Variants in CPPED1 observed in about 807,000 individuals in gnomAD.
The protein encoded by CPPED1 is serine/threonine-protein phosphatase CPPED1.
A neutral mutation model predicts 28.0 loss-of-function variants in CPPED1; 28 were observed. The observed-to-expected ratio is 1.00, with a 90% CI of 0.74 to 1.37. CPPED1 has a LOEUF of 1.37. CPPED1 is among the 40% of genes most tolerant of loss of function. CPPED1 has a pLI of 0.00. For synonymous variants in CPPED1, 198 were observed against 180.2 expected, an observed-to-expected ratio of 1.10 and a Z score of -0.79; for missense variants, 504 against 416.5, an observed-to-expected ratio of 1.21 and a Z score of -1.83.
chr16:12,720,990 C>T (rs2080137041), intron 2 of CPPED1, among the ~76,000 whole-genome samples: 1 of 152,180 alleles, frequency 6.6e-6, no homozygotes, highest in Non-Finnish European at 1.5e-5. Flanking sequence ...TTTCAGAAGC[C>T]ACTGGTAAAG....
At chr16:12,760,585 G>A (rs1375566863) in intron 2 of CPPED1, 1 of 152,080 alleles carries the variant, frequency 6.6e-6, no homozygotes, top group Non-Finnish European at 1.5e-5. Context: ...TGTTGCTGAG[G>A]TACATTGTCA....
intron 2 of CPPED1, among the ~76,000 whole-genome samples, chr16:12,766,266 G>A (rs1334564844): frequency 8.0e-6 from 1 of 124,786 alleles, no homozygotes; most frequent in African/African-American, 4.1e-5. Flanking sequence ...TAGAGAGAGA[G>A]AGAGAGAGAG....
In CPPED1 at chr16:12,709,483, A is replaced by T. The variant is rs912007379; in HGVS notation, c.290-4434T>A. ...CAAAGCGTTTAAAACACTTAAAAAAATTTTAATGCAATTGGTCAAAATAAA... is the reference window on the plus strand; with the variant it reads ...CAAAGCGTTTAAAACACTTAAAAAATTTTTAATGCAATTGGTCAAAATAAA... On this transcript the variant is annotated intron_variant, in intron 2 of 3. Coordinates refer to ENST00000381774, the MANE Select transcript of CPPED1 (RefSeq NM_018340.3). The surrounding 1 kb of genome is among the most constrained non-coding windows in gnomAD (Gnocchi z 4.4). Among the ~76,000 whole-genome samples, 31 of 152,222 alleles carry T rather than the reference A, an allele frequency of 2.0e-4. No homozygotes were observed. The highest frequency in any genetic ancestry group is 1.0e-4 in the Non-Finnish European group (7 of 68,034).
intron 3 of CPPED1, among the ~76,000 whole-genome samples, chr16:12,669,517 G>A (rs943436208): frequency 6.6e-6 from 1 of 152,152 alleles, no homozygotes; most frequent in Non-Finnish European, 1.5e-5. Context: ...AAAATTTACA[G>A]GAAGAGGAGG....
intron 2 of CPPED1, among the ~76,000 whole-genome samples, chr16:12,750,794 A>G (rs2080322820): frequency 1.3e-5 from 2 of 152,076 alleles, no homozygotes; most frequent in African/African-American, 4.8e-5. Flanking sequence ...AACATGGTGA[A>G]ATCCTGTCTC....
intron 3 of CPPED1, among the ~76,000 whole-genome samples, chr16:12,678,354 G>T (rs896080842): frequency 2.0e-5 from 3 of 152,144 alleles, no homozygotes; most frequent in African/African-American, 2.4e-5. Context: ...AAGTAACTCA[G>T]ATCTAATTCA....
intron 3 of CPPED1, among the ~76,000 whole-genome samples, chr16:12,687,310 T>C (rs967125242): frequency 6.6e-6 from 1 of 152,204 alleles, no homozygotes; most frequent in Non-Finnish European, 1.5e-5. Context: ...GTAAGATCTG[T>C]CTTTACATTT....
chr16:12,671,393 A>T (rs2079852035), intron 3 of CPPED1, among the ~76,000 whole-genome samples: 1 of 152,066 alleles, frequency 6.6e-6, no homozygotes, highest in African/African-American at 2.4e-5. Flanking sequence ...GGTGGTAAAG[A>T]GGGGTAAGGG....
chr16:12,667,920 C>A (rs528952882), intron 3 of CPPED1, among the ~76,000 whole-genome samples: 1 of 152,144 alleles, frequency 6.6e-6, no homozygotes, highest in African/African-American at 2.4e-5. Context: ...TTAATTCCTA[C>A]TGACATATGG....
intron 3 of CPPED1, among the ~76,000 whole-genome samples, chr16:12,669,294 A>G (rs2079841993): frequency 6.6e-6 from 1 of 152,186 alleles, no homozygotes; most frequent in African/African-American, 2.4e-5. Context: ...CCATAGAGAA[A>G]GTAGATCAGT....
chr16:12,771,680 C>A (rs941519588), intron 2 of CPPED1, among the ~76,000 whole-genome samples: 2 of 152,216 alleles, frequency 1.3e-5, no homozygotes, highest in African/African-American at 4.8e-5. Context: ...GTCTGCCCAG[C>A]TGGAGGAAAA....
intron 3 of CPPED1, among the ~76,000 whole-genome samples, chr16:12,700,583 G>C (rs1398173740): frequency 6.6e-6 from 1 of 152,206 alleles, no homozygotes; most frequent in Admixed American, 6.5e-5. Context: ...GTAGAGACAG[G>C]GTTTCGCCCT....
chr16:12,704,250 C>T (rs2080035757), intron 3 of CPPED1, among the ~76,000 whole-genome samples: 1 of 152,190 alleles, frequency 6.6e-6, no homozygotes. Context: ...ACCTGCACTA[C>T]CCAGTCTACT....
rs1487895111 is a variant in CPPED1 at position 12,664,930 on chromosome 16, TCTCA to T, written c.897_900del (p.Ser299ArgfsTer4). ...TCCATGAGATCGTCTTCTATTCCTT[TCTCA>T]CTCAGCTCATCTAGACTGTAGTATC... is the stretch of plus-strand genomic sequence containing the variant. On this transcript the variant is annotated frameshift_variant, in exon 4 of 4. Coordinates refer to ENST00000381774, the MANE Select transcript of CPPED1 (RefSeq NM_018340.3). LOFTEE classifies it high-confidence loss of function. The surrounding 1 kb of genome is among the most constrained non-coding windows in gnomAD (Gnocchi z 4.2). The T allele has an allele frequency of 3.1e-6, 5 of 1,608,006 alleles. No individual in the cohort carries two copies. Among genetic ancestry groups the T allele is most frequent in the East Asian group, 2.2e-5 (1 of 44,654 alleles).
At position 12,660,469 on chromosome 16, in the gene CPPED1, CAAGAA is replaced by C. The variant is rs1240067497; in HGVS notation, c.*4412_*4416del. ...AGATAAATGCTAGAAATCATTATTCCAAGAAAAGAATCCTCCACTTTTACTATATG... is the reference window on the plus strand; with the variant it reads ...AGATAAATGCTAGAAATCATTATTCCAAGAATCCTCCACTTTTACTATATG... On this transcript the variant is annotated 3_prime_UTR_variant, in exon 4 of 4. Coordinates refer to ENST00000381774, the MANE Select transcript of CPPED1 (RefSeq NM_018340.3). 3 of 150,496 alleles carry C rather than the reference CAAGAA, an allele frequency of 2.0e-5. No individual in the cohort carries two copies. The highest frequency in any genetic ancestry group is 1.3e-4 in the Admixed American group (2 of 15,098). 9.3% of individuals were successfully genotyped at this position (150,496 alleles called of 1,614,324 possible).
intron 1 of CPPED1, among the ~76,000 whole-genome samples, chr16:12,783,542 G>C (rs1326049992): frequency 1.3e-5 from 2 of 151,684 alleles, no homozygotes; most frequent in African/African-American, 4.8e-5. Context: ...AAATAAGATA[G>C]GAAAGGCCTC....
chr16:12,778,958 C>T (rs563611854), intron 2 of CPPED1, among the ~76,000 whole-genome samples: 2 of 152,106 alleles, frequency 1.3e-5, no homozygotes, highest in Non-Finnish European at 2.9e-5. Flanking sequence ...GACCAACTGG[C>T]GGGGCTGATC....
chr16:12,687,821 A>C (rs1488915228), intron 3 of CPPED1, among the ~76,000 whole-genome samples: 4 of 152,170 alleles, frequency 2.6e-5, no homozygotes, highest in African/African-American at 9.7e-5. Context: ...TCAATCCCCA[A>C]ATTTATACTC....
intron 3 of CPPED1, among the ~76,000 whole-genome samples, chr16:12,697,245 G>A (rs541255636): frequency 2.0e-4 from 31 of 152,162 alleles, no homozygotes; most frequent in South Asian, 8.3e-4. Context: ...GGCTGGTCTC[G>A]AACTCCTGAG....
Sources: gnomAD v4.1 joint callset for allele counts (sites outside exome capture counted in the v4.1 genomes callset) on GRCh38, gnomAD v4.1.1 for gene constraint, Gnocchi (gnomAD v3.1) non-coding constraint, MANE v1.5 for transcripts, NCBI Gene and HGNC (gene_info 2026-07-23, HGNC 2026-07-21) for gene names.